Variants in CHAF1A observed in about 807,000 individuals in gnomAD.
The protein encoded by CHAF1A is chromatin assembly factor 1 subunit A.
Under a neutral mutation model 93.2 loss-of-function variants are expected in CHAF1A, and 5 were observed. That is an observed-to-expected ratio of 0.05 (90% confidence interval 0.03 to 0.11). The LOEUF (loss-of-function observed/expected upper bound fraction) is 0.11, where lower values mean the gene tolerates loss of function less well. Ranked by LOEUF, CHAF1A falls within the 10% of genes least tolerant of loss-of-function variation. The pLI is 1.00. For synonymous variants in CHAF1A, 504 were observed against 510.3 expected, an observed-to-expected ratio of 0.99 and a Z score of 0.17; for missense variants, 1,102 against 1,259.9, an observed-to-expected ratio of 0.87 and a Z score of 1.90.
At chr19:4,446,164 A>G (rs75122921), downstream of CHAF1A, 4 of 1,608,110 alleles carry the variant, frequency 2.5e-6, no homozygotes, top group Admixed American at 3.3e-5. Context: ...GAACCCGTAC[A>G]CCGCCCCCAG....
chr19:4,427,861 T>C (rs1025815748), intron 7 of CHAF1A, among the ~76,000 whole-genome samples: 1 of 152,174 alleles, frequency 6.6e-6, no homozygotes, highest in Non-Finnish European at 1.5e-5. Flanking sequence ...GCGCTACAAT[T>C]ACAGGCGTGA....
chr19:4,424,435 T>G (rs556741451), intron 7 of CHAF1A, among the ~76,000 whole-genome samples: 1 of 152,302 alleles, frequency 6.6e-6, no homozygotes, highest in Non-Finnish European at 1.5e-5. Context: ...GTTGCCACAT[T>G]TAGATGTATT....
At chr19:4,409,942 T>A (rs1973762586) in intron 3 of CHAF1A, among the ~76,000 whole-genome samples, 183 bp downstream of exon 3, 1 of 152,228 alleles carries the variant, frequency 6.6e-6, no homozygotes, top group African/African-American at 2.4e-5. Context: ...GCATTCGTTG[T>A]GATGCCCCTG....
intron 10 of CHAF1A, 127 bp downstream of exon 10, chr19:4,429,915 G>T: frequency 1.2e-6 from 1 of 811,334 alleles, no homozygotes; most frequent in Non-Finnish European, 2.0e-6. Flanking sequence ...GACCTGCTGT[G>T]TGGTCTGAAA....
rs767413866 is a variant in CHAF1A, at chr19:4,409,654, G to T, written c.855G>T (p.Ser285=). 1 of 1,614,130 alleles carries T rather than the reference G, an allele frequency of 6.2e-7. No individual in the cohort carries two copies. Among genetic ancestry groups the T allele is most frequent in the Non-Finnish European group, 8.5e-7 (1 of 1,180,014 alleles). The part of the protein sequence containing the change: ...FPEEDSVLSH[S]SLSSPSSTSS... The stretch of plus-strand genomic sequence containing the variant: ...AAGAAGACTCTGTACTCAGCCATTC[G>T]TCCCTGAGCTCTCCCTCTTCCACCA... The change falls in exon 3 of 15, where the codon TCG becomes TCT. Residue 285 remains serine (S), a synonymous_variant. Coordinates refer to ENST00000301280, the MANE Select transcript of CHAF1A (RefSeq NM_005483.3).
In CHAF1A at chr19:4,418,042, G is replaced by T. The variant is rs773074829; in HGVS notation, c.983G>T (p.Gly328Val). The T allele has an allele frequency of 1.9e-6, 3 of 1,606,384 alleles. No homozygotes were observed. The East Asian group carries it at 6.7e-5, about 36-fold the overall frequency. Reference sequence around the variant, plus strand: ...CAGATAACTAAGAAATTCGTCAAAGGCTCTACAGAGAAGAACAAGCTCAGA... The same window carrying T: ...CAGATAACTAAGAAATTCGTCAAAGTCTCTACAGAGAAGAACAAGCTCAGA... Reference protein sequence around the residue: ...LRRITKKFVKGSTEKNKLRLQ... With the variant: ...LRRITKKFVKVSTEKNKLRLQ... Residue 328 changes from glycine to valine, a missense_variant, in exon 4 of 15, where the codon GGC becomes GTC. Coordinates refer to ENST00000301280, the MANE Select transcript of CHAF1A (RefSeq NM_005483.3).
chr19:4,447,603 G>C (rs145290718), downstream of CHAF1A: 158 of 1,613,938 alleles, frequency 9.8e-5, no homozygotes, highest in Middle Eastern at 1.7e-4. Flanking sequence ...TCCTCGGGGT[G>C]CAGGTGGATG....
intron 13 of CHAF1A, among the ~76,000 whole-genome samples, chr19:4,434,744 GCA>G (rs1482577914): frequency 8.6e-5 from 13 of 152,028 alleles, no homozygotes; most frequent in Admixed American, 8.5e-4. Context: ...TTGCATTCAA[GCA>G]CAGTTATTAA....
intron 1 of CHAF1A, among the ~76,000 whole-genome samples, chr19:4,405,624 A>AAT (rs1973666791): frequency 6.9e-6 from 1 of 144,200 alleles, no homozygotes. Context: ...AAAAAAAAAA[A>AAT]TTTTTTTTTT....
At chr19:4,445,411 G>A, downstream of CHAF1A, 1 of 1,580,688 alleles carries the variant, frequency 6.3e-7, no homozygotes. Flanking sequence ...ATTTCCAGAG[G>A]TGGCTTGGAG....
chr19:4,445,550 G>C, downstream of CHAF1A: 1 of 1,613,864 alleles, frequency 6.2e-7, no homozygotes, highest in Admixed American at 1.7e-5. Flanking sequence ...GATGGAGTCC[G>C]GCTCGGCCCC....
chr19:4,409,227 C>T lies in CHAF1A; in HGVS notation c.428C>T (p.Ser143Phe). ...HNKLNSEASP[S>F]REAINGQRED... is the part of the protein sequence containing the mutation. ...AAACTAAATTCTGAAGCCTCTCCCT[C>T]CAGGGAGGCAATAAATGGCCAGCGA... The change falls in exon 3 of 15, where the codon TCC (serine) becomes TTC (phenylalanine). Residue 143 changes from serine to phenylalanine, a missense_variant. By Grantham distance (155) the Ser-to-Phe change is radical. Transcript: ENST00000301280. 1 of 1,614,158 alleles carries T rather than the reference C, an allele frequency of 6.2e-7. No individual in the cohort carries two copies. The highest frequency in any genetic ancestry group is 1.3e-5 in the African/African-American group (1 of 75,028).
intron 2 of CHAF1A, among the ~76,000 whole-genome samples, chr19:4,407,329 T>C (rs1973699496): frequency 6.7e-6 from 1 of 149,578 alleles, no homozygotes; most frequent in African/African-American, 2.5e-5. Flanking sequence ...TAAGTGAACA[T>C]AGGTTCTTTG....
chr19:4,445,385 T>A, downstream of CHAF1A: 3 of 1,525,540 alleles, frequency 2.0e-6, no homozygotes, highest in Non-Finnish European at 2.7e-6. Context: ...CCCGTGCCCA[T>A]GGGGCAGAGC....
At chr19:4,412,837 C>T (rs905098506) in intron 3 of CHAF1A, among the ~76,000 whole-genome samples, 10 of 152,172 alleles carry the variant, frequency 6.6e-5, no homozygotes, top group African/African-American at 2.2e-4. Context: ...TTCAGGCTGG[C>T]CCAGAGCCTA....
chr19:4,412,269 G>A (rs188876235), intron 3 of CHAF1A, among the ~76,000 whole-genome samples: 51 of 152,338 alleles, frequency 3.3e-4, no homozygotes, highest in African/African-American at 1.2e-3. Flanking sequence ...ATGGCTGGGC[G>A]CGGTGGCTCA....
At chr19:4,429,824 G>T (rs117668305) in intron 10 of CHAF1A, 36 bp downstream of exon 10, 20 of 1,556,954 alleles carry the variant, frequency 1.3e-5, no homozygotes, top group Non-Finnish European at 1.8e-5. Flanking sequence ...ACTCACAGAC[G>T]GCTTGTGTTT....
At chr19:4,434,231 A>C (rs1974241610) in intron 13 of CHAF1A, among the ~76,000 whole-genome samples, 1 of 152,166 alleles carries the variant, frequency 6.6e-6, no homozygotes, top group Admixed American at 6.5e-5. Context: ...CTGTAGTCTC[A>C]GCTACTCAGG....
At chr19:4,427,795 C>A (rs902535779) in intron 7 of CHAF1A, among the ~76,000 whole-genome samples, 3 of 152,188 alleles carry the variant, frequency 2.0e-5, no homozygotes, top group Non-Finnish European at 4.4e-5. Flanking sequence ...ACTGTGTTGC[C>A]CAGGCTGGTC....
Sources: allele counts gnomAD v4.1 joint callset (sites outside exome capture counted in the v4.1 genomes callset), GRCh38; gene constraint gnomAD v4.1.1; transcripts MANE v1.5; gene names NCBI Gene and HGNC (gene_info 2026-07-23, HGNC 2026-07-21).